The following CXCL13 variants were observed in gnomAD, a reference collection of about 807,000 sequenced individuals.
CXCL13 encodes the protein C-X-C motif chemokine 13.
In CXCL13, 7 loss-of-function variants were observed where a neutral mutation model predicts 12.2. The ratio of observed to expected loss-of-function variants is 0.57; its 90% CI spans 0.33 to 1.07. CXCL13 has a LOEUF of 1.07. CXCL13 is among the 50% of genes least tolerant of loss of function. The pLI is 0.04. For synonymous variants in CXCL13, 47 were observed against 42.4 expected (o/e 1.11, Z -0.42); for missense variants, 113 against 127.4 (o/e 0.89, Z 0.55).
rs1254951832 is a variant in CXCL13 at position 77,573,404 on chromosome 4, GTGTGTGTA to G, written c.-42-32416_-42-32409del. Among the ~76,000 whole-genome samples, 225 of 140,050 alleles carry G rather than the reference GTGTGTGTA, an allele frequency of 1.6e-3. 5 individuals carry two copies. The highest frequency in any genetic ancestry group is 6.4e-3 in the African/African-American group (215 of 33,422). 91.9% of individuals were successfully genotyped at this position (140,050 alleles called of 152,430 possible). A position where few individuals can be genotyped will look rare whatever the true frequency, so the allele number is the denominator to read the frequency against. On this transcript the variant is annotated intron_variant, in intron 1 of 4. Transcript: ENST00000286758. ...TGTGTGTGTGTGTGTGTGTGTGTGT[GTGTGTGTA>G]TGTCTAAATGTGTTTTATGTGTATT...
At position 77,537,885 on chromosome 4, in the gene CXCL13, C is replaced by T. The variant is rs575377752; in HGVS notation, c.-43+26097C>T. Among the ~76,000 whole-genome samples the T allele has an allele frequency of 2.0e-5, 3 of 152,166 alleles. No individual in the cohort carries two copies. In the South Asian group the frequency reaches 6.2e-4, roughly 32 times the overall value. On this transcript the variant is annotated intron_variant, in intron 1 of 4. Transcript: ENST00000286758. Reference sequence around the variant, plus strand: ...CTGTCTAGAGGGATGAACTCTTGATCCAAATCAACCCAGTGAGCTTCAGTC... The same window carrying T: ...CTGTCTAGAGGGATGAACTCTTGATTCAAATCAACCCAGTGAGCTTCAGTC...
chr4:77,522,204 G>A (rs1724619065), intron 1 of CXCL13, among the ~76,000 whole-genome samples: 1 of 152,132 alleles, frequency 6.6e-6, no homozygotes, highest in African/African-American at 2.4e-5. Context: ...GGGGTGGAGA[G>A]TTCTGTAGAT....
At chr4:77,588,606 G>A (rs545231654) in intron 1 of CXCL13, among the ~76,000 whole-genome samples, 1 of 152,308 alleles carries the variant, frequency 6.6e-6, no homozygotes, top group African/African-American at 2.4e-5. Flanking sequence ...CAACAGTGGA[G>A]CTTCTCTCCA....
At chr4:77,608,178 C>T (rs760547193) in intron 2 of CXCL13, among the ~76,000 whole-genome samples, 35 of 152,104 alleles carry the variant, frequency 2.3e-4, no homozygotes, top group Non-Finnish European at 4.4e-4. Flanking sequence ...TGGTGGCTCA[C>T]GCCTGTAATC....
chr4:77,571,897 C>G (rs1455548561), intron 1 of CXCL13, among the ~76,000 whole-genome samples: 1 of 151,734 alleles, frequency 6.6e-6, no homozygotes, highest in East Asian at 1.9e-4. Flanking sequence ...AGCCCACGAG[C>G]CCACCAGGAG....
rs1725497885 is a variant in CXCL13, at chr4:77,550,765, T to C, written c.-43+38977T>C. Among the ~76,000 whole-genome samples, 5 of 152,226 alleles carry C rather than the reference T, an allele frequency of 3.3e-5. 2 individuals carry two copies. The South Asian group carries it at 1.0e-3, about 31-fold the overall frequency. The stretch of plus-strand genomic sequence containing the variant: ...CTATGTCTAAGTCTTTTCATAGGTC[T>C]AGAACTACTTGTTTTATGAATCTGG... On this transcript the variant is annotated intron_variant, in intron 1 of 4. Coordinates refer to the CXCL13 transcript ENST00000286758.
At chr4:77,536,216 C>G (rs1042836747) in intron 1 of CXCL13, among the ~76,000 whole-genome samples, 1 of 152,068 alleles carries the variant, frequency 6.6e-6, no homozygotes, top group Non-Finnish European at 1.5e-5. Context: ...TACACTCTGC[C>G]TTATTTCATT....
intron 1 of CXCL13, among the ~76,000 whole-genome samples, chr4:77,579,705 C>A (rs1367900336): frequency 6.6e-6 from 1 of 152,032 alleles, no homozygotes; most frequent in Non-Finnish European, 1.5e-5. Context: ...ATTAGACCTG[C>A]TACCCCTTTA....
At chr4:77,572,278 G>C (rs1389403888) in intron 1 of CXCL13, among the ~76,000 whole-genome samples, 1 of 151,858 alleles carries the variant, frequency 6.6e-6, no homozygotes, top group African/African-American at 2.4e-5. Flanking sequence ...GCACATGCCT[G>C]TAATCCCAGC....
At chr4:77,572,024 A>G (rs762154539) in intron 1 of CXCL13, among the ~76,000 whole-genome samples, 1 of 151,754 alleles carries the variant, frequency 6.6e-6, no homozygotes, top group African/African-American at 2.4e-5. Flanking sequence ...AACTCCGAAC[A>G]CATCTGAACA....
intron 1 of CXCL13, among the ~76,000 whole-genome samples, chr4:77,570,750 T>TTTTGCTTGG (rs1560529310): frequency 6.7e-6 from 1 of 150,186 alleles, no homozygotes; most frequent in African/African-American, 2.5e-5. Flanking sequence ...GGTGGTCCTA[T>TTTTGCTTGG]AGTCAGAGCG....
intron 1 of CXCL13, among the ~76,000 whole-genome samples, chr4:77,514,625 T>C (rs1384413460): frequency 2.7e-5 from 4 of 149,362 alleles, no homozygotes; most frequent in South Asian, 2.2e-4. Flanking sequence ...TGTCTGTTCA[T>C]GTCCTTCGCC....
intron 1 of CXCL13, among the ~76,000 whole-genome samples, chr4:77,550,014 G>A (rs539300030): frequency 2.4e-4 from 37 of 152,330 alleles, no homozygotes; most frequent in Middle Eastern, 3.4e-3. Flanking sequence ...AAGCTTCCTA[G>A]CTGCTTTGTT....
At chr4:77,572,800 C>G (rs555394412) in intron 1 of CXCL13, among the ~76,000 whole-genome samples, 1 of 151,970 alleles carries the variant, frequency 6.6e-6, no homozygotes, top group Non-Finnish European at 1.5e-5. Flanking sequence ...TTCATTGCAG[C>G]ACTATTCACA....
intron 1 of CXCL13, among the ~76,000 whole-genome samples, chr4:77,574,841 T>C (rs1400668464): frequency 6.6e-6 from 1 of 151,966 alleles, no homozygotes; most frequent in Non-Finnish European, 1.5e-5. Flanking sequence ...CAAATATTTT[T>C]TAAAGGGAAG....
intron 1 of CXCL13, among the ~76,000 whole-genome samples, chr4:77,522,075 T>C (rs1274288980): frequency 2.6e-5 from 4 of 152,092 alleles, no homozygotes; most frequent in African/African-American, 9.7e-5. Context: ...GTCTGAGAGA[T>C]GGTTTGTTGT....
intron 1 of CXCL13, among the ~76,000 whole-genome samples, chr4:77,531,389 G>C (rs1724913581): frequency 6.7e-6 from 1 of 149,056 alleles, no homozygotes; most frequent in South Asian, 2.1e-4. Context: ...GTTCTAGTTT[G>C]ATTGCACTGT....
intron 2 of CXCL13, among the ~76,000 whole-genome samples, chr4:77,609,721 CT>C (rs1348072633): frequency 6.6e-6 from 1 of 152,212 alleles, no homozygotes; most frequent in Non-Finnish European, 1.5e-5. Context: ...GCAGACCTCA[CT>C]TTTCCACTTC....
At chr4:77,545,838 G>A (rs984498294) in intron 1 of CXCL13, among the ~76,000 whole-genome samples, 3 of 152,138 alleles carry the variant, frequency 2.0e-5, no homozygotes, top group African/African-American at 7.2e-5. Flanking sequence ...TTTTCAAAGG[G>A]AATGCTTCCA....
Sources: allele counts gnomAD v4.1 joint callset (sites outside exome capture counted in the v4.1 genomes callset), GRCh38; gene constraint gnomAD v4.1.1; transcripts MANE v1.5; gene names NCBI Gene and HGNC (gene_info 2026-07-23, HGNC 2026-07-21).